Variants in MBNL1 observed in about 807,000 individuals in gnomAD.
MBNL1 encodes the protein muscleblind like splicing regulator 1.
Under a neutral mutation model 42.2 loss-of-function variants are expected in MBNL1, and 8 were observed. That is an observed-to-expected ratio of 0.19 (90% CI 0.11 to 0.34). The LOEUF (loss-of-function observed/expected upper bound fraction) is 0.34, where lower values mean the gene tolerates loss of function less well. Ranked by LOEUF, MBNL1 falls within the 10% of genes least tolerant of loss-of-function variation. The probability of loss-of-function intolerance (pLI) is 1.00; values close to 1 mark genes in which losing one functional copy is unlikely to be tolerated. For missense variants in MBNL1, 309 were observed against 495.3 expected (o/e 0.62, Z 3.57); for synonymous variants, 169 against 173.9 (o/e 0.97, Z 0.22).
chr3:152,392,804 G>A (rs1448005214), intron 2 of MBNL1, among the ~76,000 whole-genome samples: 1 of 152,066 alleles, frequency 6.6e-6, no homozygotes, highest in Non-Finnish European at 1.5e-5. Context: ...GCTACTCCCA[G>A]TTTTTTGCAG....
chr3:152,291,622 ATC>A (rs1442260761), intron 1 of MBNL1, among the ~76,000 whole-genome samples: 1 of 152,194 alleles, frequency 6.6e-6, no homozygotes, highest in Non-Finnish European at 1.5e-5. Context: ...TGTTTTGGTG[ATC>A]TGTTTCTATT....
intron 2 of MBNL1, chr3:152,396,240 AT>A: frequency 3.6e-6 from 1 of 281,228 alleles, no homozygotes; most frequent in Admixed American, 3.9e-5. Context: ...TGTTATAATT[AT>A]TTTATTATAT....
intron 2 of MBNL1, among the ~76,000 whole-genome samples, chr3:152,414,260 T>C (rs1021844646): frequency 6.6e-6 from 1 of 152,250 alleles, no homozygotes; most frequent in African/African-American, 2.4e-5. Context: ...CCATTTCTTA[T>C]TGTTTCATAG....
chr3:152,388,624 G>A (rs2097547036), intron 2 of MBNL1, among the ~76,000 whole-genome samples: 1 of 152,132 alleles, frequency 6.6e-6, no homozygotes, highest in Non-Finnish European at 1.5e-5. Flanking sequence ...ACTTTGAGGA[G>A]GTATGACTAG....
intron 2 of MBNL1, among the ~76,000 whole-genome samples, chr3:152,391,227 C>A (rs374866992): frequency 2.0e-5 from 3 of 152,180 alleles, no homozygotes; most frequent in Admixed American, 1.3e-4. Context: ...GCACTCTCTC[C>A]TTTTTCAGTT....
At chr3:152,269,989 C>T (rs1446428529) in intron 1 of MBNL1, among the ~76,000 whole-genome samples, 1 of 142,166 alleles carries the variant, frequency 7.0e-6, no homozygotes, top group Non-Finnish European at 1.5e-5. Flanking sequence ...TACTTTGATT[C>T]CAGAGCCTGT....
chr3:152,269,123 C>G (rs1401886309), intron 1 of MBNL1, 31 bp downstream of exon 1: 1 of 447,926 alleles, frequency 2.2e-6, no homozygotes, highest in African/African-American at 2.0e-5. Flanking sequence ...TTTCCCCGCG[C>G]CGCTTCATTG....
At chr3:152,447,423 C>T (rs1270894412) in intron 5 of MBNL1, among the ~76,000 whole-genome samples, 197 bp from the exon 6 acceptor site, 30 of 150,010 alleles carry the variant, frequency 2.0e-4, no homozygotes, top group Admixed American at 1.6e-3. Flanking sequence ...AATAATGCTT[C>T]CTTTAAAGCT....
At chr3:152,340,537 A>G (rs773337186) in intron 2 of MBNL1, 6 of 1,597,378 alleles carry the variant, frequency 3.8e-6, no homozygotes, top group Non-Finnish European at 5.1e-6. Flanking sequence ...TTAATTCTTC[A>G]TGAGTCCAAG....
chr3:152,434,171 A>G (rs969032054), intron 4 of MBNL1, among the ~76,000 whole-genome samples: 5 of 152,130 alleles, frequency 3.3e-5, no homozygotes, highest in Admixed American at 3.3e-4. Flanking sequence ...GCAATACCCA[A>G]TAGGTACTTT....
chr3:152,407,500 A>G (rs1350154407), intron 2 of MBNL1, among the ~76,000 whole-genome samples: 1 of 152,130 alleles, frequency 6.6e-6, no homozygotes, highest in Non-Finnish European at 1.5e-5. Flanking sequence ...AAGACCAATG[A>G]AGAAATCAAA....
chr3:152,313,418 A>G (rs184225553), intron 2 of MBNL1, among the ~76,000 whole-genome samples: 3 of 152,292 alleles, frequency 2.0e-5, no homozygotes, highest in East Asian at 3.9e-4. Flanking sequence ...GTGACTTCCT[A>G]GTGACATTGT....
intron 2 of MBNL1, among the ~76,000 whole-genome samples, chr3:152,315,565 A>G: frequency 6.6e-6 from 1 of 152,328 alleles, no homozygotes; most frequent in East Asian, 1.9e-4. Context: ...ATAACATTTA[A>G]GATAAAGCCA....
chr3:152,441,582 T>G (rs945998043), intron 4 of MBNL1, among the ~76,000 whole-genome samples: 1 of 152,230 alleles, frequency 6.6e-6, no homozygotes, highest in African/African-American at 2.4e-5. Context: ...TGGGAAATTT[T>G]CCTGATTATG....
chr3:152,354,902 G>A (rs750473030), intron 2 of MBNL1, among the ~76,000 whole-genome samples: 6 of 152,052 alleles, frequency 3.9e-5, no homozygotes, highest in Non-Finnish European at 7.4e-5. Context: ...TCTTCAGATC[G>A]TGTAAATCTT....
At chr3:152,443,024 GT>G (rs912656706) in intron 4 of MBNL1, among the ~76,000 whole-genome samples, 13 of 152,072 alleles carry the variant, frequency 8.5e-5, no homozygotes, top group Non-Finnish European at 7.4e-5. Context: ...AGTTGACTAA[GT>G]TTTTTTTAAC....
intron 1 of MBNL1, among the ~76,000 whole-genome samples, chr3:152,279,307 A>G (rs2047056370): frequency 6.6e-6 from 1 of 152,128 alleles, no homozygotes; most frequent in South Asian, 2.1e-4. Context: ...CTAAATCCAC[A>G]TAGCTGGTGA....
chr3:152,412,806 C>T (rs772803494), intron 2 of MBNL1, among the ~76,000 whole-genome samples: 41 of 152,070 alleles, frequency 2.7e-4, no homozygotes, highest in Non-Finnish European at 5.0e-4. Flanking sequence ...GTTCATGGCC[C>T]AGGGCTATCT....
At chr3:152,290,952 C>T (rs1271170885) in intron 1 of MBNL1, among the ~76,000 whole-genome samples, 1 of 152,098 alleles carries the variant, frequency 6.6e-6, no homozygotes, top group East Asian at 1.9e-4. Flanking sequence ...GATTTTTCTA[C>T]CATTTAGCTC....
Sources: gnomAD v4.1 joint callset for allele counts (sites outside exome capture counted in the v4.1 genomes callset) on GRCh38, gnomAD v4.1.1 for gene constraint, MANE v1.5 for transcripts, NCBI Gene and HGNC (gene_info 2026-07-23, HGNC 2026-07-21) for gene names.